Variants in CRACD observed in about 807,000 individuals in gnomAD.
CRACD encodes the protein capping protein inhibiting regulator of actin dynamics.
In CRACD, 56 loss-of-function variants were observed where a neutral mutation model predicts 106.8. The observed-to-expected ratio is 0.52, with a 90% CI of 0.42 to 0.66. CRACD has a LOEUF of 0.66. Ranked by LOEUF, CRACD falls within the 30% of genes least tolerant of loss-of-function variation. The pLI, the probability that CRACD is intolerant of heterozygous loss-of-function variation, is 0.00. For synonymous variants in CRACD, 754 were observed against 670.8 expected (o/e 1.12, Z -1.92); for missense variants, 1,730 against 1,623.2 (o/e 1.07, Z -1.13).
intron 3 of CRACD, among the ~76,000 whole-genome samples, chr4:56,287,773 C>T (rs954197098): frequency 1.3e-5 from 2 of 152,014 alleles, no homozygotes; most frequent in African/African-American, 2.4e-5. Flanking sequence ...ATTCATCTGA[C>T]TCTGGGTAAA....
At chr4:56,182,166 A>G (rs1736854802) in intron 2 of CRACD, among the ~76,000 whole-genome samples, 1 of 151,992 alleles carries the variant, frequency 6.6e-6, no homozygotes, top group Admixed American at 6.6e-5. Context: ...GAATCACTTG[A>G]GCCGAAGAGT....
At chr4:56,095,384 A>C (rs1353737847) in intron 1 of CRACD, among the ~76,000 whole-genome samples, 1 of 152,200 alleles carries the variant, frequency 6.6e-6, no homozygotes, top group Non-Finnish European at 1.5e-5. Flanking sequence ...GCAGTGGAGA[A>C]ATAGCGACGG....
chr4:56,101,921 C>T (rs149139874), intron 1 of CRACD, among the ~76,000 whole-genome samples: 1 of 152,172 alleles, frequency 6.6e-6, no homozygotes, highest in Non-Finnish European at 1.5e-5. Flanking sequence ...AAATATATTG[C>T]ACCATTTCAT....
intron 1 of CRACD, among the ~76,000 whole-genome samples, chr4:56,108,951 T>C (rs1328524343): frequency 6.6e-6 from 1 of 152,196 alleles, no homozygotes; most frequent in Non-Finnish European, 1.5e-5. Flanking sequence ...GGTTTAGGCC[T>C]CCGGATGACT....
intron 1 of CRACD, among the ~76,000 whole-genome samples, chr4:56,057,607 G>A (rs957800195): frequency 2.7e-5 from 4 of 150,298 alleles, no homozygotes; most frequent in Non-Finnish European, 4.4e-5. Flanking sequence ...TATTACCAGA[G>A]GATTTCAGAT....
At chr4:56,301,630 G>A (rs768148622) in intron 4 of CRACD, among the ~76,000 whole-genome samples, 1 of 151,978 alleles carries the variant, frequency 6.6e-6, no homozygotes, top group Non-Finnish European at 1.5e-5. Context: ...ACCCACGGAA[G>A]GGTGTCTGTC....
At chr4:56,319,334 G>A (rs931882892) in intron 8 of CRACD, among the ~76,000 whole-genome samples, 1 of 152,174 alleles carries the variant, frequency 6.6e-6, no homozygotes, top group African/African-American at 2.4e-5. Context: ...GCCAGACGTG[G>A]TGGCTTACAC....
At chr4:56,323,962 C>T in intron 9 of CRACD, 142 bp from the exon 10 acceptor site, 1 of 879,772 alleles carries the variant, frequency 1.1e-6, no homozygotes, top group Non-Finnish European at 1.7e-6. Context: ...GTTGAGCGTA[C>T]ATGGCTCATA....
At chr4:56,099,756 T>A (rs1461593013) in intron 1 of CRACD, among the ~76,000 whole-genome samples, 1 of 152,168 alleles carries the variant, frequency 6.6e-6, no homozygotes, top group East Asian at 1.9e-4. Context: ...CTGTGCATCA[T>A]ACAATGCTGC....
chr4:56,145,034 C>T (rs527354222), intron 1 of CRACD, among the ~76,000 whole-genome samples: 6 of 152,092 alleles, frequency 3.9e-5, no homozygotes, highest in Non-Finnish European at 2.9e-5. Context: ...GTTATCCCCC[C>T]GCCCCAGCCT....
intron 1 of CRACD, among the ~76,000 whole-genome samples, chr4:56,132,410 G>A (rs982952231): frequency 4.9e-4 from 75 of 152,118 alleles, no homozygotes; most frequent in African/African-American, 1.8e-3. Context: ...GTGTGATCAC[G>A]GCTCACTGCA....
intron 2 of CRACD, among the ~76,000 whole-genome samples, chr4:56,271,105 CA>C (rs569383234): frequency 0.074 from 4,512 of 61,356 alleles, 174 homozygotes; most frequent in African/African-American, 0.19. Context: ...AACTCCATCT[CA>C]AAAAAAAAAA....
intron 2 of CRACD, among the ~76,000 whole-genome samples, chr4:56,180,142 T>C (rs896863969): frequency 5.3e-5 from 8 of 152,092 alleles, no homozygotes; most frequent in Admixed American, 5.2e-4. Flanking sequence ...TTGGGGAACT[T>C]TGTCTTCTGA....
At chr4:56,220,845 C>G (rs1738993152) in intron 2 of CRACD, among the ~76,000 whole-genome samples, 1 of 152,108 alleles carries the variant, frequency 6.6e-6, no homozygotes, top group African/African-American at 2.4e-5. Context: ...CCTGGTAGTT[C>G]TGCTTGTGAC....
chr4:56,220,712 A>G (rs1194928351), intron 2 of CRACD, among the ~76,000 whole-genome samples: 1 of 151,744 alleles, frequency 6.6e-6, no homozygotes, highest in East Asian at 1.9e-4. Context: ...TCATTTATTC[A>G]CTACTGACTA....
intron 1 of CRACD, among the ~76,000 whole-genome samples, chr4:56,105,873 T>C (rs2109836129): frequency 6.6e-6 from 1 of 152,362 alleles, no homozygotes; most frequent in African/African-American, 2.4e-5. Context: ...AAAATGTAAT[T>C]GCTTCTTTTT....
intron 6 of CRACD, 42 bp downstream of exon 6, chr4:56,310,776 T>C: frequency 1.5e-6 from 2 of 1,370,898 alleles, no homozygotes; most frequent in Non-Finnish European, 2.1e-6. Context: ...CTTTCCTTAC[T>C]TAACTTTCAT....
At chr4:56,109,734 T>C (rs1318153881) in intron 1 of CRACD, among the ~76,000 whole-genome samples, 1 of 148,840 alleles carries the variant, frequency 6.7e-6, no homozygotes, top group East Asian at 2.0e-4. Context: ...CATAAGTAAA[T>C]GAAAAAAAGT....
In CRACD at chr4:56,273,936, TA is replaced by T. The variant is rs555520984; in HGVS notation, c.-17+1446del. Among the ~76,000 whole-genome samples the T allele has an allele frequency of 7.5e-4, 114 of 152,364 alleles. 1 individual carries two copies. Among genetic ancestry groups the T allele is most frequent in the African/African-American group, 2.7e-3 (111 of 41,590 alleles). ...GTGGTGTGTGTCAGTAAGTAAATTCTAATGAACACTGCTGTTGTGTCTAAAT... is the reference window on the plus strand; with the variant it reads ...GTGGTGTGTGTCAGTAAGTAAATTCTATGAACACTGCTGTTGTGTCTAAAT... On this transcript the variant is annotated intron_variant, in intron 3 of 10. Coordinates refer to ENST00000682029, the MANE Select transcript of CRACD (RefSeq NM_001393381.1).
Sources: allele counts gnomAD v4.1 joint callset (sites outside exome capture counted in the v4.1 genomes callset), GRCh38; gene constraint gnomAD v4.1.1; transcripts MANE v1.5; gene names NCBI Gene and HGNC (gene_info 2026-07-23, HGNC 2026-07-21).